The following TANC2 variants were observed in gnomAD, a reference collection of about 807,000 sequenced individuals.
TANC2 encodes the protein protein TANC2.
TANC2 carries 26 observed loss-of-function variants against 210.5 expected under a neutral mutation model. The observed-to-expected ratio is 0.12, with a 90% CI of 0.09 to 0.17. The LOEUF is 0.17. Ranked by LOEUF, TANC2 falls within the 10% of genes least tolerant of loss-of-function variation. The pLI, the probability that TANC2 is intolerant of heterozygous loss-of-function variation, is 1.00. For synonymous variants in TANC2, 931 were observed against 967.1 expected (o/e 0.96, Z 0.69); for missense variants, 2,129 against 2,608.9 (o/e 0.82, Z 4.01).
At chr17:63,162,311 A>C (rs988677834) in intron 5 of TANC2, among the ~76,000 whole-genome samples, 29 of 152,040 alleles carry the variant, frequency 1.9e-4, no homozygotes, top group Non-Finnish European at 3.4e-4. Context: ...TGGAAAAAAA[A>C]AAAACAAAAC....
At chr17:63,163,066 A>G (rs2040082792) in intron 5 of TANC2, among the ~76,000 whole-genome samples, 1 of 151,662 alleles carries the variant, frequency 6.6e-6, no homozygotes, top group South Asian at 2.1e-4. Flanking sequence ...GGTATTTGCA[A>G]AGGAGTGATT....
chr17:63,395,771 G>A (rs764415517), exon 18 of TANC2: 1 of 1,613,606 alleles, frequency 6.2e-7, no homozygotes, highest in Non-Finnish European at 8.5e-7. Flanking sequence ...AACGGGCAGT[G>A]TGCTTTGGTT....
chr17:63,097,254 C>T (rs2037421724), intron 3 of TANC2, among the ~76,000 whole-genome samples: 1 of 151,990 alleles, frequency 6.6e-6, no homozygotes, highest in South Asian at 2.1e-4. Flanking sequence ...ACTCCGTTGC[C>T]CAGGCTGGTC....
intron 1 of TANC2, among the ~76,000 whole-genome samples, chr17:62,990,803 G>T (rs2032821931): frequency 6.6e-6 from 1 of 152,122 alleles, no homozygotes. Flanking sequence ...GCTTAGGTCT[G>T]TAGGTTTGTT....
intron 18 of TANC2, among the ~76,000 whole-genome samples, 195 bp from the exon 19 acceptor site, chr17:63,398,626 A>G (rs1034862604): frequency 6.6e-6 from 1 of 152,208 alleles, no homozygotes; most frequent in Admixed American, 6.5e-5. Context: ...GAAATGTGCA[A>G]ACCATACCTG....
intron 11 of TANC2, among the ~76,000 whole-genome samples, chr17:63,328,987 C>T (rs1447228157): frequency 6.6e-6 from 1 of 152,028 alleles, no homozygotes; most frequent in East Asian, 1.9e-4. Flanking sequence ...GAAAAACATC[C>T]ACCTTCCCTT....
At chr17:63,199,951 G>A (rs781000319) in intron 6 of TANC2, among the ~76,000 whole-genome samples, 5 of 152,088 alleles carry the variant, frequency 3.3e-5, no homozygotes, top group Non-Finnish European at 7.4e-5. Context: ...ATTTTTCTCT[G>A]CATTCATGTA....
intron 9 of TANC2, among the ~76,000 whole-genome samples, chr17:63,314,096 A>G (rs192395533): frequency 3.9e-5 from 6 of 152,332 alleles, no homozygotes; most frequent in Admixed American, 1.3e-4. Flanking sequence ...TGCTTGGGCC[A>G]TCCCTTCCCT....
exon 25 of TANC2, chr17:63,413,618 G>C: frequency 6.3e-7 from 1 of 1,599,158 alleles, no homozygotes; most frequent in South Asian, 1.1e-5. Context: ...ATGGAAGAGG[G>C]GGACATGTTT....
intron 1 of TANC2, among the ~76,000 whole-genome samples, chr17:62,973,943 A>G (rs1232777559): frequency 3.3e-5 from 5 of 152,210 alleles, no homozygotes; most frequent in Non-Finnish European, 4.4e-5. Flanking sequence ...TTATTTACAT[A>G]TTGGGTATTG....
intron 5 of TANC2, among the ~76,000 whole-genome samples, chr17:63,160,039 A>G (rs952860860): frequency 2.6e-5 from 4 of 152,222 alleles, no homozygotes; most frequent in African/African-American, 9.6e-5. Context: ...TCCTCTGTGC[A>G]TGCATGTCAG....
At chr17:63,105,927 A>G (rs1259200326) in intron 4 of TANC2, among the ~76,000 whole-genome samples, 2 of 151,684 alleles carry the variant, frequency 1.3e-5, no homozygotes, top group Non-Finnish European at 2.9e-5. Context: ...AAGTTCCATC[A>G]TTACTAACTG....
intron 7 of TANC2, among the ~76,000 whole-genome samples, chr17:63,212,271 A>G (rs754385800): frequency 5.9e-5 from 9 of 152,152 alleles, no homozygotes; most frequent in Admixed American, 5.2e-4. Flanking sequence ...TCCATTGACT[A>G]ACTTTGTTCT....
At chr17:63,407,050 C>A (rs183318071) in intron 21 of TANC2, among the ~76,000 whole-genome samples, 3 of 152,346 alleles carry the variant, frequency 2.0e-5, no homozygotes, top group African/African-American at 7.2e-5. Flanking sequence ...TACTTTCCTT[C>A]AAGAAAACCA....
intron 5 of TANC2, among the ~76,000 whole-genome samples, chr17:63,166,958 A>G (rs558768859): frequency 1.3e-5 from 2 of 152,316 alleles, no homozygotes; most frequent in East Asian, 3.9e-4. Context: ...AAAAGGAGAC[A>G]GAAGCTTAGG....
chr17:63,139,186 T>C (rs1243813003), intron 4 of TANC2, among the ~76,000 whole-genome samples: 1 of 152,256 alleles, frequency 6.6e-6, no homozygotes, highest in South Asian at 2.1e-4. Flanking sequence ...AATTCTCTTA[T>C]TACCTAACCA....
chr17:63,069,825 C>T (rs992677080), intron 2 of TANC2, among the ~76,000 whole-genome samples: 1 of 152,082 alleles, frequency 6.6e-6, no homozygotes, highest in Non-Finnish European at 1.5e-5. Flanking sequence ...TTCATGAAAA[C>T]TTCTTATAAA....
rs117692148 is a variant in TANC2 at position 63,360,485 on chromosome 17, A to G, written c.2582+5095A>G. On this transcript the variant is annotated intron_variant, in intron 14 of 27. Coordinates refer to ENST00000689528, the Ensembl canonical transcript of TANC2. ...TATTCACACTTTCAATTTTTTTTTA[A>G]TTTTTAATTTTTGTGGGTACATGGT... Among the ~76,000 whole-genome samples, 43 of 152,122 alleles carry G rather than the reference A, an allele frequency of 2.8e-4. 1 individual carries two copies. In the East Asian group the frequency reaches 8.1e-3, roughly 29 times the overall value.
At chr17:63,394,283 T>C (rs2048085230) in intron 17 of TANC2, among the ~76,000 whole-genome samples, 1 of 152,258 alleles carries the variant, frequency 6.6e-6, no homozygotes, top group South Asian at 2.1e-4. Flanking sequence ...TTCATTTTCA[T>C]TGTTCACCTT....
Sources: gnomAD v4.1 joint callset for allele counts (sites outside exome capture counted in the v4.1 genomes callset) on GRCh38, gnomAD v4.1.1 for gene constraint, MANE v1.5 for transcripts, NCBI Gene and HGNC (gene_info 2026-07-23, HGNC 2026-07-21) for gene names.